Variants in THSD4 observed in about 807,000 individuals in gnomAD.
THSD4 encodes thrombospondin type 1 domain containing 4, also known as thrombospondin type-1 domain-containing protein 4.
THSD4 carries 69 observed loss-of-function variants against 119.0 expected under a neutral mutation model. That is an observed-to-expected ratio of 0.58 (90% CI 0.48 to 0.71). The LOEUF is 0.71. THSD4 is among the 30% of genes least tolerant of loss of function. The probability of loss-of-function intolerance (pLI) is 0.00; values close to 1 mark genes in which losing one functional copy is unlikely to be tolerated. For missense variants in THSD4, 1,393 were observed against 1,391.1 expected (o/e 1.00, Z -0.02); for synonymous variants, 524 against 540.4 (o/e 0.97, Z 0.42).
chr15:71,570,403 C>CT (rs1173843367), intron 7 of THSD4, among the ~76,000 whole-genome samples: 1 of 70,020 alleles, frequency 1.4e-5, no homozygotes, highest in African/African-American at 3.6e-5. Flanking sequence ...CTCAGATATA[C>CT]TTTTTTTTTC....
intron 7 of THSD4, among the ~76,000 whole-genome samples, chr15:71,629,832 C>T (rs796626616): frequency 1.6e-4 from 25 of 152,224 alleles, no homozygotes; most frequent in African/African-American, 5.5e-4. Context: ...ATTTGGGATG[C>T]GTGGTTTGCA....
At chr15:71,634,752 G>GA (rs1361655787) in intron 7 of THSD4, among the ~76,000 whole-genome samples, 3 of 152,194 alleles carry the variant, frequency 2.0e-5, no homozygotes. Context: ...GCTCCACGGT[G>GA]GCAGCAAGTT....
rs540186796 is a variant in THSD4 at position 71,367,440 on chromosome 15, C to A, written c.1016-44247C>A. ...TATATCTCCTAATGCTATCCCTCCC[C>A]ACCCCACGACAGGCCCCGGTGTGTG... On this transcript the variant is annotated intron_variant, in intron 6 of 17. Transcript: ENST00000261862. Among the ~76,000 whole-genome samples the A allele has an allele frequency of 7.2e-5, 11 of 152,308 alleles. No individual in the cohort carries two copies. In the South Asian group the frequency reaches 1.9e-3, roughly 26 times the overall value.
intron 4 of THSD4, among the ~76,000 whole-genome samples, chr15:71,217,089 G>C (rs950624968): frequency 3.9e-5 from 6 of 152,110 alleles, no homozygotes; most frequent in Non-Finnish European, 5.9e-5. Context: ...GAGCCACTGC[G>C]CCTGGCCCAT....
At chr15:71,140,735 C>T (rs566252214) in intron 1 of THSD4, among the ~76,000 whole-genome samples, 2 of 152,292 alleles carry the variant, frequency 1.3e-5, no homozygotes, top group Admixed American at 6.5e-5. Context: ...ATACGTTTCA[C>T]AATTTCGTGT....
At chr15:71,581,755 A>C (rs1001787814) in intron 7 of THSD4, among the ~76,000 whole-genome samples, 1 of 152,138 alleles carries the variant, frequency 6.6e-6, no homozygotes, top group Admixed American at 6.6e-5. Flanking sequence ...TTTTCCCAGC[A>C]CCATCTGAGA....
At chr15:71,522,942 C>G (rs1473023564) in intron 7 of THSD4, among the ~76,000 whole-genome samples, 1 of 152,186 alleles carries the variant, frequency 6.6e-6, no homozygotes, top group Non-Finnish European at 1.5e-5. Flanking sequence ...GGCAGCCAAG[C>G]CTGTCTGGAT....
At chr15:71,739,178 A>G (rs963342458) in intron 11 of THSD4, among the ~76,000 whole-genome samples, 5 of 151,838 alleles carry the variant, frequency 3.3e-5, no homozygotes, top group Admixed American at 6.6e-5. Flanking sequence ...CAGCTCCCAT[A>G]CTATCCCGGT....
chr15:71,652,391 T>C (rs1304076249), intron 7 of THSD4, among the ~76,000 whole-genome samples: 1 of 152,246 alleles, frequency 6.6e-6, no homozygotes, highest in Non-Finnish European at 1.5e-5. Flanking sequence ...TAGAGGTTTC[T>C]AGTATTCTAT....
At chr15:71,459,247 C>T (rs1354493685) in intron 7 of THSD4, among the ~76,000 whole-genome samples, 1 of 151,142 alleles carries the variant, frequency 6.6e-6, no homozygotes, top group Non-Finnish European at 1.5e-5. Flanking sequence ...CAACCTCCAC[C>T]TCTCAGGTTC....
At chr15:71,368,692 G>A (rs1297038269) in intron 6 of THSD4, among the ~76,000 whole-genome samples, 3 of 152,162 alleles carry the variant, frequency 2.0e-5, no homozygotes, top group Non-Finnish European at 2.9e-5. Context: ...CTGCAGCCTT[G>A]TAGTATAGTT....
chr15:71,268,978 A>G (rs1186953106), intron 6 of THSD4, among the ~76,000 whole-genome samples: 1 of 152,170 alleles, frequency 6.6e-6, no homozygotes, highest in African/African-American at 2.4e-5. Flanking sequence ...TTAATAGCCT[A>G]CCAACCAAAA....
At chr15:71,559,933 G>A (rs1410842214) in intron 7 of THSD4, among the ~76,000 whole-genome samples, 2 of 152,040 alleles carry the variant, frequency 1.3e-5, no homozygotes, top group African/African-American at 4.8e-5. Context: ...TTAAGAGAAA[G>A]TCACATATTT....
rs552441902 is a variant in THSD4, at chr15:71,368,215, T to G, written c.1016-43472T>G. On this transcript the variant is annotated intron_variant, in intron 6 of 17. Transcript: ENST00000261862. ...TGTCAGATGAGTAGATTGCAAAAAT[T>G]TTCTCCCATTCTGTAGGTTGCCTGT... Among the ~76,000 whole-genome samples, 355 of 152,332 alleles carry G rather than the reference T, an allele frequency of 2.3e-3. 4 individuals carry two copies. The highest frequency in any genetic ancestry group is 8.0e-3 in the African/African-American group (334 of 41,562).
intron 1 of THSD4, among the ~76,000 whole-genome samples, chr15:71,130,392 GTCCAGGCTGCTC>G (rs1464839951): frequency 6.6e-6 from 1 of 152,092 alleles, no homozygotes; most frequent in Admixed American, 6.6e-5. Context: ...TCGCCATGTT[GTCCAGGCTGCTC>G]TCGAACTCCT....
intron 7 of THSD4, among the ~76,000 whole-genome samples, chr15:71,448,470 C>A (rs1327666386): frequency 6.6e-6 from 1 of 152,162 alleles, no homozygotes; most frequent in Non-Finnish European, 1.5e-5. Context: ...ATAACAAAGT[C>A]TTCAGAAACA....
At chr15:71,318,223 G>C (rs933502768) in intron 6 of THSD4, among the ~76,000 whole-genome samples, 2 of 152,168 alleles carry the variant, frequency 1.3e-5, no homozygotes, top group Non-Finnish European at 2.9e-5. Context: ...AATTTGGGAA[G>C]ACAGAGATTC....
intron 6 of THSD4, among the ~76,000 whole-genome samples, chr15:71,265,365 T>A (rs1165199063): frequency 1.3e-5 from 2 of 151,938 alleles, no homozygotes; most frequent in African/African-American, 4.8e-5. Context: ...GGGAACTCCC[T>A]CCCCGAGTCA....
intron 7 of THSD4, among the ~76,000 whole-genome samples, chr15:71,620,856 C>T (rs966289267): frequency 6.6e-6 from 1 of 152,092 alleles, no homozygotes; most frequent in African/African-American, 2.4e-5. Flanking sequence ...GTTAAAAAGG[C>T]TAATAAGCAG....
Sources: gnomAD v4.1 joint callset for allele counts (sites outside exome capture counted in the v4.1 genomes callset) on GRCh38, gnomAD v4.1.1 for gene constraint, MANE v1.5 for transcripts, NCBI Gene and HGNC (gene_info 2026-07-23, HGNC 2026-07-21) for gene names.